Variants in INTS4 observed in about 807,000 individuals in gnomAD.
The protein encoded by INTS4 is integrator complex subunit 4.
INTS4 carries 70 observed loss-of-function variants against 119.5 expected under a neutral mutation model. The observed-to-expected ratio is 0.59, with a 90% CI of 0.48 to 0.71. The LOEUF (loss-of-function observed/expected upper bound fraction) is 0.71. Among genes scored for constraint, INTS4 ranks in the 30% least tolerant of loss-of-function variants. INTS4 has a pLI of 0.00. For missense variants in INTS4, 867 were observed against 1,173.2 expected (o/e 0.74, Z 3.81); for synonymous variants, 316 against 419.6 (o/e 0.75, Z 3.02).
chr11:77,981,440 C>T lies in INTS4; in HGVS notation c.364+19G>A, dbSNP rs1856216105. On this transcript the variant is annotated intron_variant, in intron 3 of 22. Transcript: ENST00000534064. ...AAATATTTCTGCTCTGACTATAGAG[C>T]TTTTAAATTGCAACTTACTTTCATT... is the stretch of plus-strand genomic sequence containing the variant. The T allele has an allele frequency of 1.6e-6, 2 of 1,277,808 alleles. No individual in the cohort carries two copies. The highest frequency in any genetic ancestry group is 2.0e-5 in the Admixed American group (1 of 48,920). 79.2% of individuals were successfully genotyped at this position (1,277,808 alleles called of 1,614,324 possible).
intron 16 of INTS4, among the ~76,000 whole-genome samples, 156 bp from the exon 17 acceptor site, chr11:77,903,776 G>A (rs1180184795): frequency 6.6e-6 from 1 of 152,120 alleles, no homozygotes; most frequent in Non-Finnish European, 1.5e-5. Flanking sequence ...ATCTATTATG[G>A]AGAAAGATGA....
At chr11:77,936,881 A>G (rs1953806293) in intron 10 of INTS4, among the ~76,000 whole-genome samples, 1 of 152,182 alleles carries the variant, frequency 6.6e-6, no homozygotes, top group Admixed American at 6.5e-5. Context: ...AGAAATTAAA[A>G]AAAATAATAG....
chr11:77,992,547 A>G (rs1856737731), intron 1 of INTS4, among the ~76,000 whole-genome samples: 1 of 152,278 alleles, frequency 6.6e-6, no homozygotes, highest in Non-Finnish European at 1.5e-5. Flanking sequence ...TTAAAAAATA[A>G]TAATAAAATA....
chr11:77,909,126 T>C (rs1323652249), intron 15 of INTS4, among the ~76,000 whole-genome samples: 1 of 152,270 alleles, frequency 6.6e-6, no homozygotes, highest in Non-Finnish European at 1.5e-5. Flanking sequence ...TTTATAGCCC[T>C]GATTGCCATT....
chr11:77,895,527 GAAAAAAAAAAA>G (rs71046921), intron 18 of INTS4, among the ~76,000 whole-genome samples: 27 of 39,258 alleles, frequency 6.9e-4, no homozygotes, highest in South Asian at 2.9e-3. Context: ...TTCTTTTCCT[GAAAAAAAAAAA>G]AAAAAAAAAA....
chr11:77,907,058 T>C (rs1476094977), intron 16 of INTS4, among the ~76,000 whole-genome samples: 3 of 152,180 alleles, frequency 2.0e-5, no homozygotes, highest in Admixed American at 2.0e-4. Context: ...CCTTTTAACT[T>C]TGATGAAGTG....
intron 2 of INTS4, among the ~76,000 whole-genome samples, chr11:77,984,900 A>G (rs1469614784): frequency 1.3e-5 from 1 of 79,356 alleles, no homozygotes; most frequent in Non-Finnish European, 2.4e-5. Flanking sequence ...GGGGAAAAGA[A>G]AATAAATGTA....
chr11:77,933,178 G>A (rs1471133821), intron 10 of INTS4, among the ~76,000 whole-genome samples: 4 of 151,916 alleles, frequency 2.6e-5, no homozygotes, highest in Non-Finnish European at 5.9e-5. Flanking sequence ...TGTTAAAAGT[G>A]GCCCTCTCCC....
chr11:77,970,915 C>T lies in INTS4; in HGVS notation c.471+8081G>A, dbSNP rs560908027. Among the ~76,000 whole-genome samples the T allele has an allele frequency of 3.7e-4, 56 of 152,156 alleles. No homozygotes were observed. In the South Asian group the frequency reaches 0.012, roughly 32 times the overall value. On this transcript the variant is annotated intron_variant, in intron 4 of 22. Transcript: ENST00000534064. ...CAACCTCCACCTCCCAGGTTCGAGC[C>T]TCATGCCTCAGCCTCCCGAGTAGCT...
intron 21 of INTS4, among the ~76,000 whole-genome samples, chr11:77,890,251 G>A (rs1438480205): frequency 6.6e-6 from 1 of 152,166 alleles, no homozygotes; most frequent in African/African-American, 2.4e-5. Flanking sequence ...ATTCCTGCTT[G>A]GAAGCCAGAA....
chr11:77,914,714 G>A (rs1375593487), intron 15 of INTS4, among the ~76,000 whole-genome samples: 4 of 152,186 alleles, frequency 2.6e-5, no homozygotes, highest in Non-Finnish European at 1.5e-5. Context: ...ACAAATGAGC[G>A]TGGGTGTGCT....
chr11:77,974,238 C>CTTTTTTTT (rs60093605), intron 4 of INTS4, among the ~76,000 whole-genome samples: 3 of 84,324 alleles, frequency 3.6e-5, no homozygotes, highest in Non-Finnish European at 7.3e-5. Context: ...TTTTTCTTTT[C>CTTTTTTTT]TTTTTTTTTT....
intron 4 of INTS4, among the ~76,000 whole-genome samples, chr11:77,969,554 T>G (rs1336080990): frequency 6.6e-6 from 1 of 152,064 alleles, no homozygotes; most frequent in Admixed American, 6.6e-5. Context: ...CTAGTTCTTT[T>G]GCACAGATGA....
At chr11:77,930,142 A>G (rs1279119381) in intron 10 of INTS4, among the ~76,000 whole-genome samples, 1 of 152,222 alleles carries the variant, frequency 6.6e-6, no homozygotes, top group Non-Finnish European at 1.5e-5. Context: ...ACTTCTATAC[A>G]TGGTTGTTTT....
At chr11:77,977,048 C>T (rs2136632928) in intron 4 of INTS4, among the ~76,000 whole-genome samples, 1 of 151,498 alleles carries the variant, frequency 6.6e-6, no homozygotes, top group Admixed American at 6.6e-5. Flanking sequence ...GCACGTTGTG[C>T]ACATGTACCC....
Position 77,961,097 on chromosome 11 carries a change from C to A in INTS4, c.513G>T (p.Leu171=). ...AAGAGCCAAGATTGCCAAGTAACTG[C>A]AGGCACTTATTTCTTACACCATGAG... The part of the protein sequence containing the change: ...DTSHGVRNKC[L]QLLGNLGSLE... The change falls in exon 5 of 23, where the codon CTG becomes CTT. Residue 171 remains leucine (L), a synonymous_variant. Coordinates refer to ENST00000534064, the MANE Select transcript of INTS4 (RefSeq NM_033547.4). 6.3e-7 allele frequency: 1 copy of A among 1,598,766 alleles called. No homozygotes were observed. The highest frequency in any genetic ancestry group is 8.5e-7 in the Non-Finnish European group (1 of 1,176,708).
At chr11:77,963,322 T>G in intron 4 of INTS4, 1 of 361,854 alleles carries the variant, frequency 2.8e-6, no homozygotes, top group Non-Finnish European at 5.1e-6. Flanking sequence ...GAACTGCTTT[T>G]CTGGCCGGGC....
downstream of INTS4, among the ~76,000 whole-genome samples, chr11:77,878,164 C>T (rs188684300): frequency 6.6e-6 from 1 of 151,988 alleles, no homozygotes; most frequent in Non-Finnish European, 1.5e-5. Context: ...AGATCAAGAC[C>T]ATCCTGGCTA....
chr11:77,937,855 A>ATTTT (rs1953838478), intron 10 of INTS4, among the ~76,000 whole-genome samples: 3 of 129,478 alleles, frequency 2.3e-5, no homozygotes, highest in Admixed American at 2.3e-4. Flanking sequence ...TTATTTATTT[A>ATTTT]TTTTTTGAGA....
Sources: gnomAD v4.1 joint callset for allele counts (sites outside exome capture counted in the v4.1 genomes callset) on GRCh38, gnomAD v4.1.1 for gene constraint, MANE v1.5 for transcripts, NCBI Gene and HGNC (gene_info 2026-07-23, HGNC 2026-07-21) for gene names.